Variants in NOTCH2 observed in about 807,000 individuals in gnomAD.
NOTCH2 encodes the protein notch receptor 2.
A neutral mutation model predicts 235.8 loss-of-function variants in NOTCH2; 29 were observed. That is an observed-to-expected ratio of 0.12 (90% CI 0.09 to 0.17). NOTCH2 has a LOEUF of 0.17. Ranked by LOEUF, NOTCH2 falls within the 10% of genes least tolerant of loss-of-function variation. The pLI, the probability that NOTCH2 is intolerant of heterozygous loss-of-function variation, is 1.00. For missense variants in NOTCH2, 2,285 were observed against 3,150.2 expected, an observed-to-expected ratio of 0.73 and a Z score of 6.57; for synonymous variants, 1,086 against 1,141.5, an observed-to-expected ratio of 0.95 and a Z score of 0.98.
chr1:120,011,373 C>T (rs7530844), intron 2 of NOTCH2, among the ~76,000 whole-genome samples: 99,881 of 151,928 alleles, frequency 0.66, 39,646 homozygotes, highest in Non-Finnish European at 0.87. Flanking sequence ...TTCTCTTACA[C>T]GTAGCCCTTC....
At chr1:119,939,552 AT>A in intron 19 of NOTCH2, among the ~76,000 whole-genome samples, 1 of 152,350 alleles carries the variant, frequency 6.6e-6, no homozygotes, top group East Asian at 1.9e-4. Flanking sequence ...TTAAGAGCTT[AT>A]TTCTAAGGAA....
intron 2 of NOTCH2, among the ~76,000 whole-genome samples, chr1:120,023,287 A>C (rs200665684): frequency 1.9e-4 from 28 of 149,796 alleles, no homozygotes; most frequent in East Asian, 7.9e-4. Flanking sequence ...AATACAAAAA[A>C]TTAGCCGGGC....
chr1:120,037,225 G>A (rs1654343625), intron 1 of NOTCH2, among the ~76,000 whole-genome samples: 1 of 151,592 alleles, frequency 6.6e-6, no homozygotes, highest in Non-Finnish European at 1.5e-5. Flanking sequence ...AATACATGAA[G>A]AGGAGTTATA....
Position 119,966,361 on chromosome 1 carries a change from G to T in NOTCH2, c.1567+15C>A, listed in dbSNP as rs1553199665. On this transcript the variant is annotated intron_variant, in intron 9 of 33. Transcript: ENST00000256646. Reference sequence around the variant, plus strand: ...GTGCTTTAAGAGAAAACAGGGCCAGGTCGTGGGCACTTACCAGGAGGACAC... The same window carrying T: ...GTGCTTTAAGAGAAAACAGGGCCAGTTCGTGGGCACTTACCAGGAGGACAC... 2.5e-6 allele frequency: 4 copies of T among 1,575,160 alleles called. No individual in the cohort carries two copies. The Admixed American group carries it at 5.0e-5, about 20-fold the overall frequency.
chr1:120,063,345 T>G (rs1655382137), intron 1 of NOTCH2, among the ~76,000 whole-genome samples: 1 of 151,594 alleles, frequency 6.6e-6, no homozygotes, highest in Admixed American at 6.6e-5. Context: ...GTTCATGAGC[T>G]AATGAAGCAG....
intron 21 of NOTCH2, among the ~76,000 whole-genome samples, chr1:119,936,643 A>C (rs1219158892): frequency 1.3e-5 from 2 of 152,200 alleles, no homozygotes; most frequent in Admixed American, 6.5e-5. Context: ...GCTCATTTAT[A>C]TAACAATAGA....
intron 12 of NOTCH2, among the ~76,000 whole-genome samples, chr1:119,958,350 C>A (rs1553198624): frequency 6.6e-6 from 1 of 152,174 alleles, no homozygotes; most frequent in South Asian, 2.1e-4. Flanking sequence ...CACAATCATA[C>A]CAAATAGGAG....
In NOTCH2 at chr1:119,914,533, AG is replaced by A; in HGVS notation, c.*772del. 1 of 233,792 alleles carries A rather than the reference AG, an allele frequency of 4.3e-6. No individual in the cohort carries two copies. Among genetic ancestry groups the A allele is most frequent in the Non-Finnish European group, 8.4e-6 (1 of 118,462 alleles). 14.5% of individuals were successfully genotyped at this position (233,792 alleles called of 1,614,324 possible). A position where few individuals can be genotyped will look rare whatever the true frequency, so the allele number is the denominator to read the frequency against. On this transcript the variant is annotated 3_prime_UTR_variant, in exon 34 of 34. Transcript: ENST00000256646. Reference sequence around the variant, plus strand: ...GAAAAATTAAGGTGCAGCCTCTTGAAGGGATCTCCTGCCCCCAAAATTTGTT... The same window carrying A: ...GAAAAATTAAGGTGCAGCCTCTTGAAGGATCTCCTGCCCCCAAAATTTGTT...
intron 5 of NOTCH2, among the ~76,000 whole-genome samples, chr1:119,981,290 A>G (rs1651803071): frequency 1.3e-5 from 2 of 152,104 alleles, no homozygotes; most frequent in South Asian, 4.1e-4. Context: ...TGTTTCTTTC[A>G]AATTCACATT....
chr1:119,988,909 A>G (rs1652122001), intron 4 of NOTCH2, among the ~76,000 whole-genome samples: 1 of 152,234 alleles, frequency 6.6e-6, no homozygotes, highest in African/African-American at 2.4e-5. Context: ...CAATGTTACA[A>G]CTAACTGAAT....
chr1:119,919,286 C>G, intron 31 of NOTCH2, 26 bp downstream of exon 31: 1 of 1,593,718 alleles, frequency 6.3e-7, no homozygotes, highest in Non-Finnish European at 8.6e-7. Flanking sequence ...AATTATTATT[C>G]AAGTGACTCT....
chr1:119,937,516 G>T, intron 20 of NOTCH2, 50 bp from the exon 21 acceptor site: 1 of 1,553,032 alleles, frequency 6.4e-7, no homozygotes, highest in South Asian at 1.1e-5. Flanking sequence ...TGTGACACAT[G>T]GGGTTCAAAT....
chr1:119,922,123 A>C (rs1340539819), intron 28 of NOTCH2, 113 bp downstream of exon 28: 1 of 1,171,958 alleles, frequency 8.5e-7, no homozygotes, highest in Non-Finnish European at 1.2e-6. Context: ...AATCATGGTC[A>C]ATGTGAGTAA....
Position 119,914,726 on chromosome 1 carries a change from G to A in NOTCH2, c.*580C>T, listed in dbSNP as rs1649003971. The A allele has an allele frequency of 7.9e-6, 2 of 251,842 alleles. No individual in the cohort carries two copies. Among genetic ancestry groups the A allele is most frequent in the African/African-American group, 4.4e-5 (2 of 45,592 alleles). 15.6% of individuals were successfully genotyped at this position (251,842 alleles called of 1,614,324 possible). A position where few individuals can be genotyped will look rare whatever the true frequency, so the allele number is the denominator to read the frequency against. On this transcript the variant is annotated 3_prime_UTR_variant, in exon 34 of 34. Coordinates refer to ENST00000256646, the MANE Select transcript of NOTCH2 (RefSeq NM_024408.4). ...CCAAGGGATACCGGGAAGACAGGAG[G>A]GGAAAGGAGACCAAAGTTGCTTTCA...
intron 11 of NOTCH2, among the ~76,000 whole-genome samples, chr1:119,962,667 T>C (rs1650981627): frequency 1.3e-5 from 2 of 152,288 alleles, no homozygotes; most frequent in East Asian, 3.9e-4. Context: ...TCTACATAGG[T>C]CATTTTCCTT....
intron 26 of NOTCH2, among the ~76,000 whole-genome samples, chr1:119,923,320 G>A (rs1649350963): frequency 6.6e-6 from 1 of 152,116 alleles, no homozygotes; most frequent in Non-Finnish European, 1.5e-5. Context: ...TTAACAATAA[G>A]GCAATGATTA....
At chr1:119,950,624 G>C (rs1553197666) in intron 15 of NOTCH2, 100 bp downstream of exon 15, 1 of 801,098 alleles carries the variant, frequency 1.2e-6, no homozygotes, top group Non-Finnish European at 2.3e-6. Flanking sequence ...AGCCCTCGGA[G>C]GAGCATTACA....
At chr1:120,011,052 TG>T (rs1262313797) in intron 2 of NOTCH2, among the ~76,000 whole-genome samples, 3 of 152,180 alleles carry the variant, frequency 2.0e-5, no homozygotes, top group Non-Finnish European at 4.4e-5. Flanking sequence ...TTATATGAAA[TG>T]TCCAGAATAT....
intron 2 of NOTCH2, among the ~76,000 whole-genome samples, chr1:120,008,854 C>G (rs1204446766): frequency 6.6e-6 from 1 of 152,104 alleles, no homozygotes; most frequent in African/African-American, 2.4e-5. Flanking sequence ...AGTTTACATT[C>G]TAATAGCTGA....
Sources: gnomAD v4.1 joint callset for allele counts (sites outside exome capture counted in the v4.1 genomes callset) on GRCh38, gnomAD v4.1.1 for gene constraint, MANE v1.5 for transcripts, NCBI Gene and HGNC (gene_info 2026-07-23, HGNC 2026-07-21) for gene names.